The following GRM5 variants were observed in gnomAD, a reference collection of about 807,000 sequenced individuals.
GRM5 encodes glutamate metabotropic receptor 5.
Under a neutral mutation model 83.1 loss-of-function variants are expected in GRM5, and 19 were observed. The ratio of observed to expected loss-of-function variants is 0.23; its 90% CI spans 0.16 to 0.34. GRM5 has a LOEUF of 0.34. Ranked by LOEUF, GRM5 falls within the 10% of genes least tolerant of loss-of-function variation. GRM5 has a pLI of 1.00. For synonymous variants in GRM5, 675 were observed against 633.6 expected, an observed-to-expected ratio of 1.07 and a Z score of -0.98; for missense variants, 1,160 against 1,588.3, an observed-to-expected ratio of 0.73 and a Z score of 4.58.
At chr11:89,020,730 T>G (rs1407999168) in intron 2 of GRM5, among the ~76,000 whole-genome samples, 1 of 152,216 alleles carries the variant, frequency 6.6e-6, no homozygotes, top group Non-Finnish European at 1.5e-5. Flanking sequence ...TCATTACATA[T>G]TATTCTATGT....
At chr11:88,920,341 T>C (rs1360503520) in intron 2 of GRM5, among the ~76,000 whole-genome samples, 3 of 148,480 alleles carry the variant, frequency 2.0e-5, no homozygotes, top group African/African-American at 5.0e-5. Context: ...TATCAAATGA[T>C]GAAGAAATCT....
At position 88,516,951 on chromosome 11, in the gene GRM5, A is replaced by G. The variant is rs1360742603; in HGVS notation, c.2727-7447T>C. Among the ~76,000 whole-genome samples, 4 of 152,038 alleles carry G rather than the reference A, an allele frequency of 2.6e-5. No individual in the cohort carries two copies. In the East Asian group the frequency reaches 7.7e-4, roughly 29 times the overall value. On this transcript the variant is annotated intron_variant, in intron 9 of 9. Coordinates refer to ENST00000305447, the MANE Select transcript of GRM5 (RefSeq NM_001143831.3). ...CCCTTAAAAATTAATTGGGTAGGTTAATTAAGATATTTCCTTAATATTTCC... is the reference window on the plus strand; with the variant it reads ...CCCTTAAAAATTAATTGGGTAGGTTGATTAAGATATTTCCTTAATATTTCC...
In GRM5 at chr11:88,823,724, C is replaced by G. The variant is rs369613772; in HGVS notation, c.911+26182G>C. 3.9e-5 allele frequency among the ~76,000 whole-genome samples: 6 copies of G among 152,252 alleles called. No individual in the cohort carries two copies. The East Asian group carries it at 5.8e-4, about 15-fold the overall frequency. On this transcript the variant is annotated intron_variant, in intron 3 of 9. Transcript: ENST00000305447. ...GGCTACCTGCATTCTAGGATCCCAA[C>G]TGGAGAAGAGAACTTGGGCTATCAA...
intron 3 of GRM5, among the ~76,000 whole-genome samples, chr11:88,847,572 G>A (rs576574004): frequency 2.0e-5 from 3 of 152,196 alleles, no homozygotes; most frequent in African/African-American, 7.2e-5. Flanking sequence ...ATATTTGAAA[G>A]AGCATCACGT....
Position 88,964,116 on chromosome 11 carries a change from A to T in GRM5, c.661+83096T>A, listed in dbSNP as rs141469786. 9.3e-3 allele frequency among the ~76,000 whole-genome samples: 1,412 copies of T among 152,274 alleles called. 15 individuals carry two copies. Among genetic ancestry groups the T allele is most frequent in the South Asian group, 0.046 (223 of 4,822 alleles). On this transcript the variant is annotated intron_variant, in intron 2 of 9. Transcript: ENST00000305447. The stretch of plus-strand genomic sequence containing the variant: ...TAATTTGGGGCCTTATATATTCAAA[A>T]AGTGAATTGATTTTGTAACTTAGGT...
Position 88,731,602 on chromosome 11 carries a change from G to A in GRM5, c.912-78199C>T, listed in dbSNP as rs1941809945. 1.3e-5 allele frequency among the ~76,000 whole-genome samples: 2 copies of A among 151,958 alleles called. 1 individual carries two copies. Among genetic ancestry groups the A allele is most frequent in the Admixed American group, 1.3e-4 (2 of 15,216 alleles). On this transcript the variant is annotated intron_variant, in intron 3 of 9. Coordinates refer to ENST00000305447, the MANE Select transcript of GRM5 (RefSeq NM_001143831.3). ...TATCTTCCTATCACTCTTGAGACTA[G>A]GAGTGACATTATTGATGGGATTTTG...
chr11:89,042,027 T>TGTAAGA (rs1941547581), intron 2 of GRM5, among the ~76,000 whole-genome samples: 2 of 152,162 alleles, frequency 1.3e-5, no homozygotes, highest in Non-Finnish European at 1.5e-5. Context: ...AAATTGATCA[T>TGTAAGA]GCTATTTCTC....
chr11:89,064,884 CTCTCTGTGTG>C (rs1430891240), intron 1 of GRM5, among the ~76,000 whole-genome samples: 2 of 62,732 alleles, frequency 3.2e-5, no homozygotes, highest in Admixed American at 1.4e-4. Flanking sequence ...CTCTCTCTCT[CTCTCTGTGTG>C]TGTGTGTGTG....
chr11:88,579,873 A>G (rs1293033552), intron 7 of GRM5, among the ~76,000 whole-genome samples: 5 of 152,184 alleles, frequency 3.3e-5, no homozygotes, highest in Admixed American at 3.3e-4. Flanking sequence ...TTGAGGAGAG[A>G]CTGTAAGTAG....
At chr11:88,822,016 T>C (rs1315135416) in intron 3 of GRM5, among the ~76,000 whole-genome samples, 2 of 152,148 alleles carry the variant, frequency 1.3e-5, no homozygotes, top group Non-Finnish European at 2.9e-5. Flanking sequence ...GAAGTTTTTA[T>C]ACATTATTTT....
rs935729580 is a variant in GRM5 at position 88,988,436 on chromosome 11, G to T, written c.661+58776C>A. ...ATGGAACCAAGTTGGAAAACACTCT[G>T]CAGGATATTATCCAGGAGAACTTCC... On this transcript the variant is annotated intron_variant, in intron 2 of 9. Transcript: ENST00000305447. 4.1e-4 allele frequency among the ~76,000 whole-genome samples: 62 copies of T among 152,166 alleles called. 1 individual carries two copies. In the South Asian group the frequency reaches 5.4e-3, roughly 13 times the overall value.
rs182484078 is a variant in GRM5, at chr11:88,713,209, T to G, written c.912-59806A>C. Among the ~76,000 whole-genome samples the G allele has an allele frequency of 8.6e-4, 131 of 152,174 alleles. No homozygotes were observed. In the Middle Eastern group the frequency reaches 0.014, roughly 16 times the overall value. On this transcript the variant is annotated intron_variant, in intron 3 of 9. Coordinates refer to ENST00000305447, the MANE Select transcript of GRM5 (RefSeq NM_001143831.3). ...TAATCACTTATTAAAAGTCAGGTGC[T>G]GCATTAGCTAAGGGGTCTCTAAATA...
intron 7 of GRM5, among the ~76,000 whole-genome samples, chr11:88,570,500 T>G (rs1292659729): frequency 6.8e-6 from 1 of 147,518 alleles, no homozygotes; most frequent in Non-Finnish European, 1.5e-5. Context: ...TAGGCTTATA[T>G]TTACAAATTT....
At chr11:88,957,414 A>AGC (rs751288468) in intron 2 of GRM5, among the ~76,000 whole-genome samples, 85 of 152,216 alleles carry the variant, frequency 5.6e-4, no homozygotes, top group Admixed American at 8.5e-4. Flanking sequence ...AGAGTGCTGA[A>AGC]GCATTAAGTG....
rs1235662492 is a variant in GRM5 at position 88,912,335 on chromosome 11, G to C, written c.662-62180C>G. 4.0e-5 allele frequency among the ~76,000 whole-genome samples: 6 copies of C among 151,588 alleles called. No individual in the cohort carries two copies. In the East Asian group the frequency reaches 1.2e-3, roughly 29 times the overall value. On this transcript the variant is annotated intron_variant, in intron 2 of 9. Coordinates refer to ENST00000305447, the MANE Select transcript of GRM5 (RefSeq NM_001143831.3). ...TCTTAAAGGGGCTGACTTATCCTAA[G>C]GAACTTTATTCTCTCATATTTCATG...
rs571696168 is a variant in GRM5, at chr11:88,584,308, A to C, written c.1690+6293T>G. Reference sequence around the variant, plus strand: ...TCCCTTTCTTCTCTTACTAGATGATACTGCTATTCTGAAATCTGTATCCTT... The same window carrying C: ...TCCCTTTCTTCTCTTACTAGATGATCCTGCTATTCTGAAATCTGTATCCTT... On this transcript the variant is annotated intron_variant, in intron 7 of 9. Transcript: ENST00000305447. Among the ~76,000 whole-genome samples, 21 of 151,954 alleles carry C rather than the reference A, an allele frequency of 1.4e-4. 1 individual carries two copies. Among genetic ancestry groups the C allele is most frequent in the Non-Finnish European group, 2.8e-4 (19 of 68,008 alleles).
intron 3 of GRM5, among the ~76,000 whole-genome samples, chr11:88,800,190 G>A (rs1224307658): frequency 2.0e-5 from 3 of 152,096 alleles, no homozygotes; most frequent in Non-Finnish European, 4.4e-5. Flanking sequence ...AGAAATTGAG[G>A]CTTAAAAGGA....
intron 8 of GRM5, among the ~76,000 whole-genome samples, chr11:88,535,480 G>C (rs1942112761): frequency 6.6e-6 from 1 of 152,338 alleles, no homozygotes; most frequent in African/African-American, 2.4e-5. Flanking sequence ...CAGTGATTCA[G>C]TGGTAGACTG....
intron 3 of GRM5, among the ~76,000 whole-genome samples, chr11:88,685,258 G>A (rs1195640265): frequency 2.0e-5 from 3 of 152,156 alleles, no homozygotes; most frequent in African/African-American, 7.2e-5. Context: ...AAAGAGACTG[G>A]CAGCATTTTG....
Sources: gnomAD v4.1 joint callset for allele counts (sites outside exome capture counted in the v4.1 genomes callset) on GRCh38, gnomAD v4.1.1 for gene constraint, MANE v1.5 for transcripts, NCBI Gene and HGNC (gene_info 2026-07-23, HGNC 2026-07-21) for gene names.